The following IRGM variants were observed in gnomAD, a reference collection of about 807,000 sequenced individuals.
IRGM encodes the protein immunity-related GTPase family M protein.
For synonymous variants in IRGM, 98 were observed against 80.6 expected (o/e 1.22, Z -1.16); for missense variants, 288 against 219.9 (o/e 1.31, Z -1.96).
At chr5:150,878,172 T>G in intron 2 of IRGM, 1 of 213,578 alleles carries the variant, frequency 4.7e-6, no homozygotes, top group Non-Finnish European at 7.7e-6. Flanking sequence ...AATAGTAAAC[T>G]TTTTTTTTTG....
chr5:150,856,627 A>G (rs868420450), intron 1 of IRGM, among the ~76,000 whole-genome samples: 69 of 151,250 alleles, frequency 4.6e-4, no homozygotes, highest in African/African-American at 1.5e-3. Context: ...AACCTTTAAA[A>G]TACTGCTGCA....
At chr5:150,898,858 C>T (rs77212559) in intron 3 of IRGM, among the ~76,000 whole-genome samples, 6,727 of 151,894 alleles carry the variant, frequency 0.044, 200 homozygotes, top group East Asian at 0.16. Flanking sequence ...AAGAATAATG[C>T]TGAAGAAATA....
chr5:150,892,840 G>A (rs1014408678), intron 3 of IRGM, among the ~76,000 whole-genome samples: 6 of 151,880 alleles, frequency 4.0e-5, no homozygotes, highest in African/African-American at 7.3e-5. Flanking sequence ...GAGCTCCTGG[G>A]GTCAAGGTGT....
chr5:150,851,665 T>C (rs1359142179), downstream of IRGM, among the ~76,000 whole-genome samples: 2 of 152,248 alleles, frequency 1.3e-5, no homozygotes, highest in Non-Finnish European at 2.9e-5. Flanking sequence ...CTCCCAGCAC[T>C]GCACTTCATC....
chr5:150,867,441 G>A (rs1754223739), intron 1 of IRGM, among the ~76,000 whole-genome samples: 1 of 152,100 alleles, frequency 6.6e-6, no homozygotes, highest in African/African-American at 2.4e-5. Flanking sequence ...CTATAAACAT[G>A]CATCTGCAAG....
chr5:150,898,095 A>G, intron 3 of IRGM: 1 of 1,613,572 alleles, frequency 6.2e-7, no homozygotes, highest in Non-Finnish European at 8.5e-7. Context: ...TCATCTGGAT[A>G]GATCCAATTT....
intron 1 of IRGM, among the ~76,000 whole-genome samples, chr5:150,857,614 C>A (rs202181103): frequency 0.039 from 5,796 of 149,220 alleles, 171 homozygotes; most frequent in East Asian, 0.18. Context: ...TTTTAATGAT[C>A]GCCATTCTAA....
intron 3 of IRGM, chr5:150,898,339 C>A: frequency 6.2e-7 from 1 of 1,606,870 alleles, no homozygotes; most frequent in South Asian, 1.1e-5. Flanking sequence ...AAAGTCATGA[C>A]ATATGTCAGG....
At chr5:150,896,217 A>G in intron 3 of IRGM, 2 of 1,613,658 alleles carry the variant, frequency 1.2e-6, no homozygotes, top group Non-Finnish European at 1.7e-6. Context: ...CTGATGTATA[A>G]TAAGGGACGA....
intron 1 of IRGM, among the ~76,000 whole-genome samples, chr5:150,862,047 C>A (rs908469133): frequency 2.0e-5 from 3 of 152,174 alleles, no homozygotes; most frequent in African/African-American, 7.2e-5. Flanking sequence ...AAGTTCCCAG[C>A]CAGGGGTGTG....
In IRGM at chr5:150,892,699, TGAG is replaced by T. The variant is rs548968086; in HGVS notation, c.*141-7885_*141-7883del. 1.3e-3 allele frequency among the ~76,000 whole-genome samples: 194 copies of T among 152,234 alleles called. 1 individual carries two copies. The highest frequency in any genetic ancestry group is 4.5e-3 in the African/African-American group (187 of 41,564). On this transcript the variant is annotated intron_variant and NMD_transcript_variant, in intron 3 of 3. Coordinates refer to the IRGM transcript ENST00000520549. ...TTTTTATCTATGCCCTTTAACTATTTGAGGAGGCTGCCCTTTATTCCCAGTTTA... is the reference window on the plus strand; with the variant it reads ...TTTTTATCTATGCCCTTTAACTATTTGAGGCTGCCCTTTATTCCCAGTTTA...
intron 3 of IRGM, among the ~76,000 whole-genome samples, chr5:150,884,870 A>G (rs550510934): frequency 4.6e-5 from 7 of 151,882 alleles, no homozygotes; most frequent in South Asian, 4.2e-4. Flanking sequence ...TAGGTTATCT[A>G]TTTACTCTGT....
chr5:150,895,597 G>T, intron 3 of IRGM: 1 of 1,613,486 alleles, frequency 6.2e-7, no homozygotes, highest in Non-Finnish European at 8.5e-7. Flanking sequence ...CATATGTAAG[G>T]TTTCTCTCCT....
intron 1 of IRGM, among the ~76,000 whole-genome samples, chr5:150,862,896 C>T (rs894467577): frequency 1.3e-5 from 2 of 152,068 alleles, no homozygotes; most frequent in African/African-American, 4.8e-5. Context: ...CCTCACTTTC[C>T]GTCTGGCACT....
rs1473752726 is a variant in IRGM at position 150,848,317 on chromosome 5, C to T, written c.194C>T (p.Pro65Leu). 6.4e-7 allele frequency: 1 copy of T among 1,551,844 alleles called. No individual in the cohort carries two copies. Among genetic ancestry groups the T allele is most frequent in the Non-Finnish European group, 8.7e-7 (1 of 1,146,976 alleles). The change falls in exon 2 of 2, where the codon CCT (proline) becomes CTT (leucine). Residue 65 changes from proline to leucine, a missense_variant. Pro to Leu is a moderately conservative substitution (Grantham distance 98, BLOSUM62 -3). Transcript: ENST00000522154. The stretch of plus-strand genomic sequence containing the variant: ...GGACATGAGGGTAAGGCCTCACCTC[C>T]TACTGAGCTGGTAAAAGCTACCCAA... ...NTGHEGKASP[P>L]TELVKATQRC...
chr5:150,872,590 G>A (rs1754301498), intron 1 of IRGM, among the ~76,000 whole-genome samples: 2 of 152,202 alleles, frequency 1.3e-5, no homozygotes, highest in Non-Finnish European at 2.9e-5. Flanking sequence ...TATTAAAGGT[G>A]TGGGATAATG....
At chr5:150,856,547 G>C (rs1488886208) in intron 1 of IRGM, among the ~76,000 whole-genome samples, 3 of 152,068 alleles carry the variant, frequency 2.0e-5, no homozygotes. Context: ...TATGTTAACT[G>C]TGATGTTGGT....
chr5:150,865,577 C>G (rs1754196445), intron 1 of IRGM, among the ~76,000 whole-genome samples: 1 of 152,158 alleles, frequency 6.6e-6, no homozygotes, highest in Non-Finnish European at 1.5e-5. Context: ...CCTACTTACA[C>G]TGGCTAAAAT....
intron 1 of IRGM, among the ~76,000 whole-genome samples, chr5:150,854,381 A>G (rs1581640322): frequency 6.6e-6 from 1 of 152,228 alleles, no homozygotes; most frequent in East Asian, 1.9e-4. Flanking sequence ...TATAATGTCC[A>G]TGTATTTGCC....
Sources: gnomAD v4.1 joint callset for allele counts (sites outside exome capture counted in the v4.1 genomes callset) on GRCh38, gnomAD v4.1.1 for gene constraint, MANE v1.5 for transcripts, NCBI Gene and HGNC (gene_info 2026-07-23, HGNC 2026-07-21) for gene names.